Variants in NEDD1 observed in about 807,000 individuals in gnomAD.
The protein encoded by NEDD1 is NEDD1 gamma-tubulin ring complex targeting factor.
A neutral mutation model predicts 74.0 loss-of-function variants in NEDD1; 33 were observed. The observed-to-expected ratio is 0.45, with a 90% CI of 0.34 to 0.60. The LOEUF is 0.60. NEDD1 is among the 20% of genes least tolerant of loss of function. The pLI is 0.01. For synonymous variants in NEDD1, 250 were observed against 264.4 expected (o/e 0.95, Z 0.53); for missense variants, 746 against 776.5 (o/e 0.96, Z 0.47).
Position 96,953,203 on chromosome 12 carries a change from T to C in NEDD1, c.*1150T>C, listed in dbSNP as rs1878859637. 1 of 147,618 alleles carries C rather than the reference T, an allele frequency of 6.8e-6. No individual in the cohort carries two copies. Among genetic ancestry groups the C allele is most frequent in the African/African-American group, 2.5e-5 (1 of 40,124 alleles). 9.1% of individuals were successfully genotyped at this position (147,618 alleles called of 1,614,324 possible). On this transcript the variant is annotated 3_prime_UTR_variant, in exon 16 of 16. Coordinates refer to ENST00000266742, the MANE Select transcript of NEDD1 (RefSeq NM_152905.4). ...TGACTTCTGAGATGAAAGTATTTAC[T>C]AAAATTAAAAAAAAAAAAACAAAAA...
At chr12:96,928,140 C>T (rs371517383) in intron 6 of NEDD1, among the ~76,000 whole-genome samples, 70 of 152,210 alleles carry the variant, frequency 4.6e-4, no homozygotes, top group African/African-American at 1.5e-3. Flanking sequence ...TGTTTTCTAA[C>T]AGTGTTTCTA....
rs1346478333 is a variant in NEDD1 at position 96,945,772 on chromosome 12, C to A, written c.1734C>A (p.Asn578Lys). The change falls in exon 14 of 16, where the codon AAC (asparagine) becomes AAA (lysine). Residue 578 changes from asparagine (N) to lysine (K), a missense_variant. Asn to Lys is a moderately conservative substitution (Grantham distance 94). Coordinates refer to ENST00000266742, the MANE Select transcript of NEDD1 (RefSeq NM_152905.4). ...SEKIADSIGN[N>K]RQNAPLTSIQ... is the part of the protein sequence containing the mutation. ...AAATAGCCGACAGCATTGGAAATAA[C>A]CGGCAAAATGCACCATTGACTTCCA... 5.6e-6 allele frequency: 9 copies of A among 1,609,636 alleles called. No homozygotes were observed. The Admixed American group carries it at 8.3e-5, about 15-fold the overall frequency.
chr12:96,921,380 C>G (rs1875071246), intron 6 of NEDD1, among the ~76,000 whole-genome samples: 1 of 152,114 alleles, frequency 6.6e-6, no homozygotes, highest in Admixed American at 6.5e-5. Flanking sequence ...GGGGTTTCAC[C>G]ATGTTGGCCA....
At position 96,951,980 on chromosome 12, in the gene NEDD1, C is replaced by A; in HGVS notation, c.1910C>A (p.Ser637Ter). ...NEMHSLLERY[S>*]VNEGLVAEIE... Reference sequence around the variant, plus strand: ...ATGCATTCTTTGCTGGAAAGATACTCAGTGAATGAAGGTTTAGTGGCTGAA... The same window carrying A: ...ATGCATTCTTTGCTGGAAAGATACTAAGTGAATGAAGGTTTAGTGGCTGAA... The change falls in exon 16 of 16, where the codon TCA becomes TAA. Residue 637 changes from serine to a stop codon, truncating the protein, a stop_gained. Coordinates refer to ENST00000266742, the MANE Select transcript of NEDD1 (RefSeq NM_152905.4). LOFTEE classifies it high-confidence loss of function. 1.3e-6 allele frequency: 2 copies of A among 1,596,952 alleles called. No individual in the cohort carries two copies. The highest frequency in any genetic ancestry group is 1.1e-5 in the South Asian group (1 of 90,582).
Position 96,912,741 on chromosome 12 carries a change from C to T in NEDD1, c.155C>T (p.Ala52Val). 6.3e-7 allele frequency: 1 copy of T among 1,596,118 alleles called. No homozygotes were observed. The highest frequency in any genetic ancestry group is 8.6e-7 in the Non-Finnish European group (1 of 1,164,188). Residue 52 changes from alanine (A) to valine (V), a missense_variant, in exon 4 of 16, where the codon GCA (alanine) becomes GTA (valine). Around this residue, in one of 3 missense-constraint regions of NEDD1, gnomAD observed 706 missense variants for 706.7 expected, o/e 1.00. Coordinates refer to ENST00000266742, the MANE Select transcript of NEDD1 (RefSeq NM_152905.4). ...CATTTAGATAACTTTTTAGTAACAGCATCTTCCAGTGGCGACAAAATAGTT... is the reference window on the plus strand; with the variant it reads ...CATTTAGATAACTTTTTAGTAACAGTATCTTCCAGTGGCGACAAAATAGTT... ...WSSNNNFLVT[A>V]SSSGDKIVVS...
At chr12:96,936,941 T>C in intron 8 of NEDD1, 129 bp downstream of exon 8, 1 of 617,394 alleles carries the variant, frequency 1.6e-6, no homozygotes, top group Non-Finnish European at 2.7e-6. Flanking sequence ...ACATGTAATG[T>C]ATAATAATTT....
chr12:96,951,675 C>G (rs556944893), intron 15 of NEDD1, among the ~76,000 whole-genome samples, 177 bp downstream of exon 15: 64 of 151,794 alleles, frequency 4.2e-4, no homozygotes, highest in African/African-American at 1.4e-3. Flanking sequence ...TTTTTAACCT[C>G]TGAGATACTT....
Position 96,937,355 on chromosome 12 carries a change from C to G in NEDD1, c.1079C>G (p.Ala360Gly), listed in dbSNP as rs1374580468. 1 of 1,608,826 alleles carries G rather than the reference C, an allele frequency of 6.2e-7. No individual in the cohort carries two copies. The highest frequency in any genetic ancestry group is 8.5e-7 in the Non-Finnish European group (1 of 1,177,348). Residue 360 changes from alanine to glycine, a missense_variant, in exon 9 of 16, where the codon GCT (alanine) becomes GGT (glycine). Ala to Gly is a moderately conservative substitution (Grantham distance 60). Around this residue, in one of 3 missense-constraint regions of NEDD1, gnomAD observed 706 missense variants for 706.7 expected, o/e 1.00. Transcript: ENST00000266742. Reference protein sequence around the residue: ...ATVLPQPMTSAMGKGTVAVQE... With the variant: ...ATVLPQPMTSGMGKGTVAVQE... ...GTTCTACCACAACCTATGACATCAG[C>G]TATGGGGAAAGGAACAGTTGCTGTT...
At chr12:96,929,259 A>C (rs1876077462) in intron 6 of NEDD1, among the ~76,000 whole-genome samples, 1 of 150,782 alleles carries the variant, frequency 6.6e-6, no homozygotes, top group African/African-American at 2.4e-5. Context: ...ATTAGCCTTC[A>C]TTTTTGAAGA....
At position 96,907,814 on chromosome 12, in the gene NEDD1, A is replaced by G; in HGVS notation, c.-51A>G. 6.8e-7 allele frequency: 1 copy of G among 1,459,956 alleles called. No individual in the cohort carries two copies. The highest frequency in any genetic ancestry group is 9.0e-7 in the Non-Finnish European group (1 of 1,105,642). The allele number at this position is 1,459,956 out of a possible 1,614,324, so 90.4% of individuals were successfully genotyped here. ...CGACGGGACCGTCTTTGAGGGACTC[A>G]TGTAAAGTCTCTCCCTTAATGCTCA... On this transcript the variant is annotated 5_prime_UTR_variant, in exon 2 of 16. The change abolishes an upstream ATG in the 5' untranslated region. Transcript: ENST00000266742.
Position 96,937,264 on chromosome 12 carries a change from G to C in NEDD1, c.988G>C (p.Ala330Pro). Reference protein sequence around the residue: ...TVNKRSVNVNAASGGVQNSGI... With the variant: ...TVNKRSVNVNPASGGVQNSGI... ...GAACAAACGAAGTGTTAATGTGAAT[G>C]CTGCTAGTGGAGGAGTTCAGAATTC... Residue 330 changes from alanine (A) to proline (P), a missense_variant, in exon 9 of 16, where the codon GCT becomes CCT. Coordinates refer to ENST00000266742, the MANE Select transcript of NEDD1 (RefSeq NM_152905.4). 6.2e-7 allele frequency: 1 copy of C among 1,612,670 alleles called. No individual in the cohort carries two copies. Among genetic ancestry groups the C allele is most frequent in the Non-Finnish European group, 8.5e-7 (1 of 1,178,988 alleles).
rs949633689 is a variant in NEDD1, at chr12:96,931,647, C to G, written c.490-3329C>G. On this transcript the variant is annotated intron_variant, in intron 6 of 15. Transcript: ENST00000266742. ...GAGTACTTGCAAATCAGAAGTAACC[C>G]AAATGTCTAACATGATATTATTTAG... 3.9e-5 allele frequency among the ~76,000 whole-genome samples: 6 copies of G among 151,952 alleles called. No individual in the cohort carries two copies. In the South Asian group the frequency reaches 1.2e-3, roughly 32 times the overall value.
At chr12:96,907,451 G>T in intron 1 of NEDD1, 151 bp downstream of exon 1, 2 of 594,646 alleles carry the variant, frequency 3.4e-6, no homozygotes, top group South Asian at 4.6e-5. Flanking sequence ...CGGGGGCGCG[G>T]CGGCGCGCTG....
chr12:96,917,090 A>G (rs907377413), intron 4 of NEDD1, among the ~76,000 whole-genome samples: 2 of 152,172 alleles, frequency 1.3e-5, no homozygotes, highest in Non-Finnish European at 2.9e-5. Context: ...TGATGACCTG[A>G]TGTCTGAGAC....
intron 14 of NEDD1, among the ~76,000 whole-genome samples, chr12:96,950,136 G>GA (rs1878570636): frequency 6.6e-6 from 1 of 151,920 alleles, no homozygotes; most frequent in Non-Finnish European, 1.5e-5. Flanking sequence ...AAAAAGATAT[G>GA]AAAAAGCATT....
Position 96,935,273 on chromosome 12 carries a change from G to T in NEDD1, c.719+68G>T, listed in dbSNP as rs1201379165. 5 of 954,496 alleles carry T rather than the reference G, an allele frequency of 5.2e-6. No individual in the cohort carries two copies. In the African/African-American group the frequency reaches 8.1e-5, roughly 15 times the overall value. The allele number at this position is 954,496 out of a possible 1,614,324, so 59.1% of individuals were successfully genotyped here. A position where few individuals can be genotyped will look rare whatever the true frequency, so the allele number is the denominator to read the frequency against. On this transcript the variant is annotated intron_variant, in intron 7 of 15. Transcript: ENST00000266742. ...TATTATTCCATTAACAGGCATATTT[G>T]TGATTTATATAGACCTCTGATTAGT...
At chr12:96,944,601 A>C in intron 12 of NEDD1, 38 bp from the exon 13 acceptor site, 1 of 1,339,128 alleles carries the variant, frequency 7.5e-7, no homozygotes, top group African/African-American at 1.5e-5. Flanking sequence ...GAGTAAAAAA[A>C]TTGTATATTA....
At chr12:96,935,904 A>T (rs1877037520) in intron 7 of NEDD1, among the ~76,000 whole-genome samples, 1 of 152,092 alleles carries the variant, frequency 6.6e-6, no homozygotes, top group Admixed American at 6.5e-5. Flanking sequence ...GATCATGTGG[A>T]GTATGAATGT....
chr12:96,914,577 T>C (rs902488865), intron 4 of NEDD1, among the ~76,000 whole-genome samples: 18 of 152,208 alleles, frequency 1.2e-4, no homozygotes, highest in African/African-American at 4.3e-4. Flanking sequence ...AGAAACATAT[T>C]AATGTGCTAA....
Sources: allele counts gnomAD v4.1 joint callset (sites outside exome capture counted in the v4.1 genomes callset), GRCh38; gene constraint gnomAD v4.1.1; regional missense constraint gnomAD v4.1.1; transcripts MANE v1.5; gene names NCBI Gene and HGNC (gene_info 2026-07-23, HGNC 2026-07-21).